PTPN4: variants seen among roughly 807,000 people sequenced by gnomAD.
PTPN4 encodes protein tyrosine phosphatase non-receptor type 4.
A neutral mutation model predicts 135.5 loss-of-function variants in PTPN4; 49 were observed. The observed-to-expected ratio is 0.36, with a 90% CI of 0.29 to 0.46. The LOEUF (loss-of-function observed/expected upper bound fraction) is 0.46. Ranked by LOEUF, PTPN4 falls within the 20% of genes least tolerant of loss-of-function variation. The pLI is 1.00. For synonymous variants in PTPN4, 333 were observed against 369.9 expected (o/e 0.90, Z 1.14); for missense variants, 860 against 1,101.0 (o/e 0.78, Z 3.10).
chr2:119,943,829 T>C (rs1679096707), intron 15 of PTPN4, among the ~76,000 whole-genome samples: 2 of 152,030 alleles, frequency 1.3e-5, no homozygotes, highest in Non-Finnish European at 2.9e-5. Flanking sequence ...CCTGACCTCG[T>C]GATCCGCCCA....
chr2:119,973,510 A>T (rs553524584), intron 26 of PTPN4, among the ~76,000 whole-genome samples: 1 of 152,202 alleles, frequency 6.6e-6, no homozygotes, highest in Non-Finnish European at 1.5e-5. Flanking sequence ...CTAGAAGAGG[A>T]ATTCCTGGAT....
At chr2:119,850,480 T>A (rs1301605672) in intron 2 of PTPN4, among the ~76,000 whole-genome samples, 1 of 152,206 alleles carries the variant, frequency 6.6e-6, no homozygotes, top group Middle Eastern at 3.2e-3. Flanking sequence ...ATTTAAATTG[T>A]GATAATGTTG....
intron 2 of PTPN4, among the ~76,000 whole-genome samples, chr2:119,855,759 G>A (rs1234687822): frequency 1.3e-5 from 2 of 152,064 alleles, no homozygotes; most frequent in Non-Finnish European, 2.9e-5. Context: ...CAAGGGTCTG[G>A]AATTCCATGG....
At chr2:119,776,999 A>G (rs1690848847) in intron 1 of PTPN4, among the ~76,000 whole-genome samples, 2 of 152,152 alleles carry the variant, frequency 1.3e-5, no homozygotes, top group South Asian at 4.1e-4. Flanking sequence ...TTTGCTCAAA[A>G]TCCTTTAACG....
chr2:119,848,210 G>C (rs1363798194), intron 2 of PTPN4, among the ~76,000 whole-genome samples: 4 of 137,934 alleles, frequency 2.9e-5, no homozygotes, highest in African/African-American at 1.1e-4. Flanking sequence ...GTCTCGCTCT[G>C]TCACCCAGGC....
At chr2:119,817,112 C>T (rs1676999612) in intron 2 of PTPN4, among the ~76,000 whole-genome samples, 1 of 152,150 alleles carries the variant, frequency 6.6e-6, no homozygotes, top group Non-Finnish European at 1.5e-5. Context: ...CTTTTGTTGT[C>T]TTCGTCATGA....
At chr2:119,904,357 C>T (rs900202017) in intron 10 of PTPN4, among the ~76,000 whole-genome samples, 10 of 151,926 alleles carry the variant, frequency 6.6e-5, no homozygotes, top group Non-Finnish European at 2.9e-5. Flanking sequence ...TTGGAAATAA[C>T]CTAGTAATTT....
chr2:119,977,069 A>T lies in PTPN4; in HGVS notation c.2780A>T (p.Ter927LeuextTer52), dbSNP rs1679628595. Residue 927 changes from the stop codon to leucine, a stop_lost, in exon 27 of 27, where the codon TAA (stop) becomes TTA (leucine). Coordinates refer to ENST00000263708, the MANE Select transcript of PTPN4 (RefSeq NM_002830.4). The part of the protein sequence containing the change: ...VKPLTTSTNK[*>L] The stretch of plus-strand genomic sequence containing the variant: ...CCCTTAACAACATCAACAAATAAAT[A>T]AGAAAGCAAAAAGATCTGGGATATG... The T allele has an allele frequency of 6.3e-7, 1 of 1,595,390 alleles. No individual in the cohort carries two copies. Among genetic ancestry groups the T allele is most frequent in the Non-Finnish European group, 8.5e-7 (1 of 1,174,790 alleles).
intron 1 of PTPN4, among the ~76,000 whole-genome samples, chr2:119,806,563 C>T (rs529693775): frequency 1.3e-5 from 2 of 152,082 alleles, no homozygotes; most frequent in African/African-American, 4.8e-5. Context: ...ACAGGAGCAC[C>T]GAGATTCATA....
chr2:119,862,484 A>C, intron 2 of PTPN4, 52 bp from the exon 3 acceptor site: 1 of 1,491,268 alleles, frequency 6.7e-7, no homozygotes. Flanking sequence ...AAAAATGTGA[A>C]GAATGTAACC....
intron 12 of PTPN4, 100 bp from the exon 13 acceptor site, chr2:119,926,498 C>A: frequency 1.4e-6 from 1 of 723,098 alleles, no homozygotes; most frequent in Non-Finnish European, 2.2e-6. Context: ...CTAGAAATGT[C>A]TTGTCTCTTA....
intron 2 of PTPN4, among the ~76,000 whole-genome samples, chr2:119,847,426 C>G (rs1453796624): frequency 6.6e-6 from 1 of 150,816 alleles, no homozygotes; most frequent in African/African-American, 2.4e-5. Flanking sequence ...CTCCCAGGTT[C>G]AAGTGATTTT....
At chr2:119,929,534 G>C (rs1042469386) in intron 13 of PTPN4, among the ~76,000 whole-genome samples, 7 of 151,950 alleles carry the variant, frequency 4.6e-5, no homozygotes, top group African/African-American at 1.2e-4. Flanking sequence ...ACATTTTGCA[G>C]TTGTCATATA....
intron 2 of PTPN4, among the ~76,000 whole-genome samples, chr2:119,821,305 A>G (rs1185237877): frequency 6.6e-6 from 1 of 151,732 alleles, no homozygotes; most frequent in African/African-American, 2.4e-5. Flanking sequence ...GTTGGCCAGG[A>G]TGGTTTCAAT....
intron 3 of PTPN4, among the ~76,000 whole-genome samples, chr2:119,863,293 A>C (rs138094950): frequency 4.6e-5 from 7 of 152,190 alleles, no homozygotes; most frequent in Non-Finnish European, 5.9e-5. Flanking sequence ...GATATACCTT[A>C]CTCTGAACCG....
chr2:119,842,191 T>G (rs1191229806), intron 2 of PTPN4, among the ~76,000 whole-genome samples: 1 of 152,206 alleles, frequency 6.6e-6, no homozygotes, highest in Non-Finnish European at 1.5e-5. Context: ...TTTTGTTTTG[T>G]TTTTGATGAA....
intron 1 of PTPN4, 121 bp from the exon 2 acceptor site, chr2:119,809,716 A>G (rs904396497): frequency 1.3e-5 from 12 of 891,000 alleles, no homozygotes; most frequent in Non-Finnish European, 1.9e-5. Flanking sequence ...TGGTGTTTCA[A>G]AATTTATAAC....
chr2:119,877,845 A>G (rs878908002), intron 5 of PTPN4, among the ~76,000 whole-genome samples: 4 of 152,116 alleles, frequency 2.6e-5, no homozygotes, highest in African/African-American at 9.7e-5. Context: ...GAGGTCATCA[A>G]ATGTGCTGAA....
At chr2:119,898,103 CT>C (rs1339450688) in intron 9 of PTPN4, among the ~76,000 whole-genome samples, 18 of 152,208 alleles carry the variant, frequency 1.2e-4, no homozygotes, top group African/African-American at 4.3e-4. Flanking sequence ...CAAAACATAA[CT>C]GGTCCTTTTC....
Sources: gnomAD v4.1 joint callset for allele counts (sites outside exome capture counted in the v4.1 genomes callset) on GRCh38, gnomAD v4.1.1 for gene constraint, MANE v1.5 for transcripts, NCBI Gene and HGNC (gene_info 2026-07-23, HGNC 2026-07-21) for gene names.